The following KLF17 variants were observed in gnomAD, a reference collection of about 807,000 sequenced individuals.
The protein encoded by KLF17 is Krueppel-like factor 17.
In KLF17, 31 loss-of-function variants were observed where a neutral mutation model predicts 34.2. That is an observed-to-expected ratio of 0.91 (90% confidence interval 0.68 to 1.22). KLF17 has a LOEUF of 1.22. KLF17 is among the 50% of genes most tolerant of loss of function. The pLI, the probability that KLF17 is intolerant of heterozygous loss-of-function variation, is 0.00. For synonymous variants in KLF17, 179 were observed against 186.7 expected (o/e 0.96, Z 0.34); for missense variants, 478 against 505.2 (o/e 0.95, Z 0.52).
the KLF17 span, among the ~76,000 whole-genome samples, chr1:44,111,662 G>C: frequency 6.6e-6 from 1 of 152,024 alleles, no homozygotes; most frequent in African/African-American, 2.4e-5. Flanking sequence ...GGGAGGCCGA[G>C]GTGGGCGGAT....
At chr1:44,125,651 TGA>T (rs1448734126) in intron 1 of KLF17, among the ~76,000 whole-genome samples, 1 of 151,988 alleles carries the variant, frequency 6.6e-6, no homozygotes, top group Non-Finnish European at 1.5e-5. Context: ...TATTTTTAGT[TGA>T]GACGGGGTTT....
At chr1:44,067,282 G>A in the KLF17 span, among the ~76,000 whole-genome samples, 1 of 152,072 alleles carries the variant, frequency 6.6e-6, no homozygotes. Context: ...CAGACAACAG[G>A]ATCTGCAATA....
At chr1:44,069,469 C>CGA in the KLF17 span, among the ~76,000 whole-genome samples, 1,088 of 127,152 alleles carry the variant, frequency 8.6e-3, 9 homozygotes, top group East Asian at 0.013. The surrounding 1 kb of genome is among the most constrained non-coding windows in gnomAD (Gnocchi z 4.7). Flanking sequence ...TGTTACATGG[C>CGA]GAGAGAGAGA....
chr1:44,080,418 T>C, the KLF17 span, among the ~76,000 whole-genome samples: 2 of 151,556 alleles, frequency 1.3e-5, no homozygotes, highest in African/African-American at 2.4e-5. Context: ...TTTTATATTT[T>C]TAGTAGAGAC....
At chr1:44,059,339 A>G in the KLF17 span, among the ~76,000 whole-genome samples, 3 of 152,130 alleles carry the variant, frequency 2.0e-5, no homozygotes, top group Non-Finnish European at 4.4e-5. Context: ...TATAGAGGCC[A>G]CTCTAAGGCC....
chr1:44,079,345 G>A, the KLF17 span, among the ~76,000 whole-genome samples: 1 of 147,226 alleles, frequency 6.8e-6, no homozygotes, highest in African/African-American at 2.5e-5. Flanking sequence ...CTGTTGCCCA[G>A]GTTGGAGTGT....
the KLF17 span, among the ~76,000 whole-genome samples, chr1:44,090,306 CA>C: frequency 3.9e-3 from 91 of 23,354 alleles, no homozygotes; most frequent in African/African-American, 0.015. Flanking sequence ...CTTGTCTCTA[CA>C]AAAAAAAAAA....
chr1:44,117,489 A>ATTTTATTT (rs1442535224), upstream of KLF17: 4 of 140,780 alleles, frequency 2.8e-5, no homozygotes, highest in African/African-American at 1.1e-4. Flanking sequence ...ATTTTATTTT[A>ATTTTATTT]TATTTTATTT....
At chr1:44,079,588 G>A in the KLF17 span, among the ~76,000 whole-genome samples, 1 of 152,170 alleles carries the variant, frequency 6.6e-6, no homozygotes, top group South Asian at 2.1e-4. Flanking sequence ...CAAGACGTGA[G>A]CCACCACGCC....
chr1:44,089,764 A>G, the KLF17 span, among the ~76,000 whole-genome samples: 1 of 152,250 alleles, frequency 6.6e-6, no homozygotes, highest in South Asian at 2.1e-4. Context: ...AACAAAGGTC[A>G]GCAAATAACA....
intron 1 of KLF17, among the ~76,000 whole-genome samples, chr1:44,124,877 T>C (rs2087990830): frequency 6.6e-6 from 1 of 152,208 alleles, no homozygotes; most frequent in African/African-American, 2.4e-5. Flanking sequence ...AACATTCTAA[T>C]TTGAATTTAT....
At position 44,134,566 on chromosome 1, in the gene KLF17, A is replaced by AT. The variant is rs978509010; in HGVS notation, c.*1333dup. The AT allele has an allele frequency of 1.3e-5, 2 of 152,180 alleles. No homozygotes were observed. Among genetic ancestry groups the AT allele is most frequent in the African/African-American group, 4.8e-5 (2 of 41,438 alleles). 9.4% of individuals were successfully genotyped at this position (152,180 alleles called of 1,614,324 possible). A position where few individuals can be genotyped will look rare whatever the true frequency, so the allele number is the denominator to read the frequency against. Reference sequence around the variant, plus strand: ...AAAAAAGACCTGTGGACTCTAGTAGATTTTGAATCCTGCCTCTGCCATTTC... The same window carrying AT: ...AAAAAAGACCTGTGGACTCTAGTAGATTTTTGAATCCTGCCTCTGCCATTTC... On this transcript the variant is annotated 3_prime_UTR_variant, in exon 4 of 4. Transcript: ENST00000372299.
chr1:44,089,633 G>T, the KLF17 span, among the ~76,000 whole-genome samples: 2 of 152,164 alleles, frequency 1.3e-5, no homozygotes, highest in Non-Finnish European at 2.9e-5. Context: ...GCCACAAAGA[G>T]AGTTGTATTT....
intron 1 of KLF17, chr1:44,122,417 C>T (rs1369049328): frequency 5.9e-6 from 9 of 1,537,258 alleles, no homozygotes; most frequent in Non-Finnish European, 8.1e-6. Flanking sequence ...TGCTGACATC[C>T]ACACCTGTGA....
At chr1:44,107,733 T>TAGGGGCC in the KLF17 span, among the ~76,000 whole-genome samples, 3 of 152,204 alleles carry the variant, frequency 2.0e-5, no homozygotes, top group Non-Finnish European at 4.4e-5. Flanking sequence ...TAACCCTTAT[T>TAGGGGCC]TTACTTAATA....
At chr1:44,104,474 G>T in the KLF17 span, 1 of 783,158 alleles carries the variant, frequency 1.3e-6, no homozygotes. Flanking sequence ...AGGCAAACTT[G>T]TTGGTGGGGT....
At chr1:44,074,881 T>C in the KLF17 span, 2 of 152,138 alleles carry the variant, frequency 1.3e-5, no homozygotes, top group African/African-American at 4.8e-5. Context: ...AACAGAGCAA[T>C]TGAAATGGAA....
the KLF17 span, among the ~76,000 whole-genome samples, chr1:44,112,490 T>G: frequency 2.0e-4 from 31 of 152,268 alleles, no homozygotes; most frequent in African/African-American, 7.5e-4. Flanking sequence ...ACTTTAACCT[T>G]GAACTCCTAG....
the KLF17 span, among the ~76,000 whole-genome samples, chr1:44,078,507 G>A: frequency 6.7e-6 from 1 of 150,190 alleles, no homozygotes; most frequent in East Asian, 1.9e-4. Context: ...GCGCAATCTC[G>A]GCTCACTGCA....
Sources: allele counts gnomAD v4.1 joint callset (sites outside exome capture counted in the v4.1 genomes callset), GRCh38; gene constraint gnomAD v4.1.1; non-coding constraint Gnocchi (gnomAD v3.1); transcripts MANE v1.5; gene names NCBI Gene and HGNC (gene_info 2026-07-23, HGNC 2026-07-21).